Variants in FAM53A observed in about 807,000 individuals in gnomAD.
FAM53A encodes protein FAM53A.
Under a neutral mutation model 26.6 loss-of-function variants are expected in FAM53A, and 28 were observed. The ratio of observed to expected loss-of-function variants is 1.05; its 90% CI spans 0.78 to 1.45. The LOEUF (loss-of-function observed/expected upper bound fraction) is 1.45, where lower values mean the gene tolerates loss of function less well. Among genes scored for constraint, FAM53A ranks in the 40% most tolerant of loss-of-function variants. The probability of loss-of-function intolerance (pLI) is 0.00; values close to 1 mark genes in which losing one functional copy is unlikely to be tolerated. For missense variants in FAM53A, 650 were observed against 575.8 expected (o/e 1.13, Z -1.32); for synonymous variants, 290 against 253.1 (o/e 1.15, Z -1.38).
At chr4:1,619,149 C>T (rs1461016753) in intron 1 of FAM53A, among the ~76,000 whole-genome samples, 2 of 152,218 alleles carry the variant, frequency 1.3e-5, no homozygotes, top group Admixed American at 6.5e-5. Context: ...CACCCATCCT[C>T]CCTGAGCTCC....
chr4:1,578,794 AGGAGAGAAGAGGGGGAGG>A, the FAM53A span, among the ~76,000 whole-genome samples: 50 of 55,466 alleles, frequency 9.0e-4, 1 homozygote, highest in Non-Finnish European at 1.4e-3. Context: ...AGAGGGGGAG[AGGAGAGAAGAGGGGGAGG>A]GGAGAGAAGA....
intron 4 of FAM53A, chr4:1,644,294 C>A (rs757682672): frequency 6.5e-7 from 1 of 1,535,986 alleles, no homozygotes. Context: ...TGTAAGCTCA[C>A]GCCGAGGCCT....
At chr4:1,588,753 T>C in the FAM53A span, among the ~76,000 whole-genome samples, 2 of 152,218 alleles carry the variant, frequency 1.3e-5, no homozygotes, top group Non-Finnish European at 2.9e-5. Flanking sequence ...CCTGCTCCCA[T>C]GCTTTGAAAA....
the FAM53A span, among the ~76,000 whole-genome samples, chr4:1,607,058 A>T: frequency 1.3e-5 from 2 of 151,812 alleles, no homozygotes; most frequent in Non-Finnish European, 1.5e-5. Flanking sequence ...TCACTCTATC[A>T]CCCAGGCTGG....
Position 1,630,674 on chromosome 4 carries a change from C to T in FAM53A, c.432-12563G>A, listed in dbSNP as rs990475756. Among the ~76,000 whole-genome samples, 2 of 152,158 alleles carry T rather than the reference C, an allele frequency of 1.3e-5. No homozygotes were observed. The highest frequency in any genetic ancestry group is 4.8e-5 in the African/African-American group (2 of 41,444). On this transcript the variant is annotated intron_variant, in intron 1 of 1. Transcript: ENST00000489029. The surrounding 1 kb of genome is among the most constrained non-coding windows in gnomAD (Gnocchi z 4.3). ...CATCGTGGAAGCCAGACAGAAAAGG[C>T]CCGCACAGCATGATCCCACGTCTAC... is the stretch of plus-strand genomic sequence containing the variant.
the FAM53A span, among the ~76,000 whole-genome samples, chr4:1,601,234 G>GGGGGAGAT: frequency 8.3e-6 from 1 of 119,936 alleles, no homozygotes; most frequent in African/African-American, 2.7e-5. Flanking sequence ...GCAACAGGTC[G>GGGGGAGAT]GACACCCACC....
downstream of FAM53A, among the ~76,000 whole-genome samples, chr4:1,617,199 G>A (rs182185833): frequency 3.5e-5 from 5 of 144,300 alleles, no homozygotes; most frequent in African/African-American, 5.9e-5. Context: ...CATGAGGCCT[G>A]CATGTTTTGT....
At chr4:1,681,997 A>C (rs1299207955) in intron 1 of FAM53A, among the ~76,000 whole-genome samples, 1 of 152,198 alleles carries the variant, frequency 6.6e-6, no homozygotes, top group South Asian at 2.1e-4. Flanking sequence ...CTCACTAGCC[A>C]GGCCAAGGAA....
chr4:1,608,388 G>A, the FAM53A span, among the ~76,000 whole-genome samples: 3 of 152,250 alleles, frequency 2.0e-5, no homozygotes, highest in South Asian at 2.1e-4. Context: ...CAGTGGCGAC[G>A]GTGGCCTGAA....
the FAM53A span, among the ~76,000 whole-genome samples, chr4:1,579,259 G>A: frequency 2.0e-5 from 2 of 101,774 alleles, no homozygotes; most frequent in African/African-American, 7.6e-5. Flanking sequence ...CCCGGCCCCC[G>A]GCCCCGCCCG....
At chr4:1,675,136 A>G (rs1286727258) in intron 1 of FAM53A, among the ~76,000 whole-genome samples, 2 of 152,218 alleles carry the variant, frequency 1.3e-5, no homozygotes, top group African/African-American at 4.8e-5. Flanking sequence ...CCGGAAAAGG[A>G]GACAAAGGCC....
chr4:1,669,418 G>A (rs1180917147), intron 1 of FAM53A, among the ~76,000 whole-genome samples: 1 of 152,246 alleles, frequency 6.6e-6, no homozygotes, highest in African/African-American at 2.4e-5. Flanking sequence ...GGGGCCGGCG[G>A]AGGAAGGGCG....
chr4:1,674,382 G>C (rs1273863701), intron 1 of FAM53A, among the ~76,000 whole-genome samples: 1 of 152,102 alleles, frequency 6.6e-6, no homozygotes, highest in East Asian at 1.9e-4. Context: ...AATTGCAAAA[G>C]CATCTGGCCG....
intron 1 of FAM53A, among the ~76,000 whole-genome samples, chr4:1,679,091 G>C (rs532435174): frequency 6.6e-6 from 1 of 152,220 alleles, no homozygotes; most frequent in African/African-American, 2.4e-5. Flanking sequence ...AACAGTTCCA[G>C]ACTGAAAGAA....
At chr4:1,576,379 TAAC>T in the FAM53A span, among the ~76,000 whole-genome samples, 6 of 152,182 alleles carry the variant, frequency 3.9e-5, no homozygotes, top group Non-Finnish European at 1.5e-5. Flanking sequence ...AATTATTCCA[TAAC>T]CGTGATTTGA....
intron 1 of FAM53A, among the ~76,000 whole-genome samples, chr4:1,678,840 G>A (rs950913624): frequency 6.6e-6 from 1 of 151,968 alleles, no homozygotes; most frequent in African/African-American, 2.4e-5. Flanking sequence ...GACATGGAGT[G>A]TATGGACCCC....
chr4:1,668,233 G>A (rs1267287835), intron 2 of FAM53A, among the ~76,000 whole-genome samples: 7 of 151,264 alleles, frequency 4.6e-5, no homozygotes, highest in East Asian at 1.9e-4. Context: ...TCCGCCTCCC[G>A]GGTGCATGCC....
intron 1 of FAM53A, among the ~76,000 whole-genome samples, chr4:1,681,913 T>C (rs1433380782): frequency 6.6e-6 from 1 of 152,188 alleles, no homozygotes; most frequent in Non-Finnish European, 1.5e-5. Context: ...AGTAATTTCA[T>C]TGTGAGGTAA....
At chr4:1,663,140 C>T (rs1314944434) in intron 2 of FAM53A, among the ~76,000 whole-genome samples, 2 of 151,260 alleles carry the variant, frequency 1.3e-5, no homozygotes, top group African/African-American at 2.4e-5. Flanking sequence ...CAGAGTGAGC[C>T]GAGATCGCGC....
Sources: gnomAD v4.1 joint callset for allele counts (sites outside exome capture counted in the v4.1 genomes callset) on GRCh38, gnomAD v4.1.1 for gene constraint, Gnocchi (gnomAD v3.1) non-coding constraint, MANE v1.5 for transcripts, NCBI Gene and HGNC (gene_info 2026-07-23, HGNC 2026-07-21) for gene names.